SYN3: variants seen among roughly 807,000 people sequenced by gnomAD.
SYN3 encodes the protein synapsin III, also known as synapsin-3.
In SYN3, 35 loss-of-function variants were observed where a neutral mutation model predicts 65.8. That is an observed-to-expected ratio of 0.53 (90% CI 0.41 to 0.70). The LOEUF (loss-of-function observed/expected upper bound fraction) is 0.70. Ranked by LOEUF, SYN3 falls within the 30% of genes least tolerant of loss-of-function variation. The pLI, the probability that SYN3 is intolerant of heterozygous loss-of-function variation, is 0.00. For missense variants in SYN3, 680 were observed against 749.0 expected, an observed-to-expected ratio of 0.91 and a Z score of 1.08; for synonymous variants, 270 against 292.9, an observed-to-expected ratio of 0.92 and a Z score of 0.80.
chr22:32,993,328 T>C (rs980032519), intron 2 of SYN3, among the ~76,000 whole-genome samples: 2 of 152,168 alleles, frequency 1.3e-5, no homozygotes, highest in African/African-American at 4.8e-5. Context: ...AGCTTCCCCA[T>C]ACATTTTCAA....
intron 4 of SYN3, among the ~76,000 whole-genome samples, chr22:32,927,483 C>A (rs2050506750): frequency 1.3e-5 from 2 of 151,954 alleles, no homozygotes; most frequent in Non-Finnish European, 1.5e-5. Context: ...CTCCTGAGTG[C>A]AGGCAATCCA....
chr22:32,804,215 G>C (rs1372110753), intron 6 of SYN3, among the ~76,000 whole-genome samples: 1 of 152,220 alleles, frequency 6.6e-6, no homozygotes, highest in African/African-American at 2.4e-5. Context: ...CCTGGGTTTG[G>C]TGAGCTGCAC....
At chr22:32,719,177 T>C (rs1270590516) in intron 6 of SYN3, among the ~76,000 whole-genome samples, 1 of 152,176 alleles carries the variant, frequency 6.6e-6, no homozygotes, top group Non-Finnish European at 1.5e-5. Flanking sequence ...ATACTAAAAT[T>C]ACTCAATATG....
At chr22:32,997,754 C>T (rs1258718820) in intron 2 of SYN3, among the ~76,000 whole-genome samples, 2 of 152,170 alleles carry the variant, frequency 1.3e-5, no homozygotes, top group Middle Eastern at 3.4e-3. Flanking sequence ...CGGCCGGGCG[C>T]GGTGGCTCAC....
intron 6 of SYN3, among the ~76,000 whole-genome samples, chr22:32,697,672 C>T (rs545802470): frequency 2.6e-5 from 4 of 152,280 alleles, no homozygotes; most frequent in African/African-American, 9.6e-5. Context: ...CACTGAGGGT[C>T]AGCTGGGGAC....
chr22:32,638,043 C>T lies in SYN3; in HGVS notation c.712-41307G>A, dbSNP rs1005697846. On this transcript the variant is annotated intron_variant, in intron 6 of 13. Coordinates refer to ENST00000358763, the MANE Select transcript of SYN3 (RefSeq NM_003490.4). Reference sequence around the variant, plus strand: ...GTCCGTGAGTACTTCATGTTAGGTCCCATTCATAAGTGAGAACATGCATTG... The same window carrying T: ...GTCCGTGAGTACTTCATGTTAGGTCTCATTCATAAGTGAGAACATGCATTG... Among the ~76,000 whole-genome samples the T allele has an allele frequency of 8.5e-5, 13 of 152,160 alleles. 1 individual carries two copies. The highest frequency in any genetic ancestry group is 1.2e-4 in the Non-Finnish European group (8 of 68,042).
chr22:32,869,201 G>T (rs912966800), intron 4 of SYN3, 76 bp from the exon 5 acceptor site: 1 of 1,532,928 alleles, frequency 6.5e-7, no homozygotes, highest in African/African-American at 1.4e-5. Context: ...AGCTTGCTGG[G>T]GATGATAGCA....
chr22:32,671,617 TCA>T (rs2060367550), intron 6 of SYN3, among the ~76,000 whole-genome samples: 1 of 145,628 alleles, frequency 6.9e-6, no homozygotes, highest in Admixed American at 6.9e-5. Context: ...ACACACGCTC[TCA>T]CACAGGTATA....
chr22:32,925,783 A>G (rs921901505), intron 4 of SYN3, among the ~76,000 whole-genome samples: 2 of 151,926 alleles, frequency 1.3e-5, no homozygotes, highest in African/African-American at 4.8e-5. Context: ...CGTCTGGGAC[A>G]CTGCTTGGGT....
chr22:33,022,168 A>AT (rs931879989), intron 1 of SYN3, among the ~76,000 whole-genome samples: 6 of 152,114 alleles, frequency 3.9e-5, no homozygotes, highest in Non-Finnish European at 8.8e-5. Flanking sequence ...GGCTAAAACA[A>AT]TTTTTTTCCT....
At position 32,948,876 on chromosome 22, in the gene SYN3, TA is replaced by T. The variant is rs200190615; in HGVS notation, c.370-17396del. Among the ~76,000 whole-genome samples the T allele has an allele frequency of 4.5e-3, 604 of 135,030 alleles. 4 individuals are homozygous for T. The highest frequency in any genetic ancestry group is 3.5e-3 in the African/African-American group (119 of 34,246). 88.6% of individuals were successfully genotyped at this position (135,030 alleles called of 152,430 possible). On this transcript the variant is annotated intron_variant, in intron 3 of 13. Coordinates refer to ENST00000358763, the MANE Select transcript of SYN3 (RefSeq NM_003490.4). The stretch of plus-strand genomic sequence containing the variant: ...CATTAAATGTTTTTCATTAAATGTC[TA>T]AAAAAAAAAAAAAGAAAGAAAGAAA...
intron 2 of SYN3, among the ~76,000 whole-genome samples, chr22:32,981,878 C>T (rs1044140035): frequency 6.6e-6 from 1 of 151,968 alleles, no homozygotes; most frequent in African/African-American, 2.4e-5. Context: ...TATGTTAATC[C>T]TGTCTCCCCT....
At chr22:32,847,767 G>A (rs757526139) in intron 6 of SYN3, among the ~76,000 whole-genome samples, 13 of 152,072 alleles carry the variant, frequency 8.5e-5, no homozygotes, top group Admixed American at 5.2e-4. Flanking sequence ...ACTCCTTTTT[G>A]GGCTAAGTGC....
intron 6 of SYN3, among the ~76,000 whole-genome samples, chr22:32,807,394 A>AATATATATTATATAAT: frequency 9.9e-6 from 1 of 100,598 alleles, no homozygotes; most frequent in African/African-American, 3.9e-5. Flanking sequence ...TATTATATAT[A>AATATATATTATATAAT]ATATATATAT....
intron 13 of SYN3, chr22:32,514,295 TTGA>T (rs2057735017): frequency 6.4e-6 from 1 of 155,412 alleles, no homozygotes; most frequent in African/African-American, 2.4e-5. Context: ...TCTCTGCTCT[TTGA>T]TGTGTGTAGC....
chr22:33,024,199 C>A (rs1332490315), intron 1 of SYN3, among the ~76,000 whole-genome samples: 1 of 152,212 alleles, frequency 6.6e-6, no homozygotes, highest in African/African-American at 2.4e-5. Flanking sequence ...CCCACCAGCA[C>A]CCTCCAGACT....
intron 7 of SYN3, among the ~76,000 whole-genome samples, chr22:32,572,401 TCCC>T (rs1324230729): frequency 0.039 from 481 of 12,312 alleles, 11 homozygotes; most frequent in African/African-American, 0.13. Context: ...CTTCCCTCCC[TCCC>T]TCCTGTCTTT....
chr22:32,639,232 C>T lies in SYN3; in HGVS notation c.712-42496G>A, dbSNP rs377344881. On this transcript the variant is annotated intron_variant, in intron 6 of 13. Coordinates refer to ENST00000358763, the MANE Select transcript of SYN3 (RefSeq NM_003490.4). ...CCTCCCAAAGTGCTGGGATTACAGGCATGAGCCACCACGCCTGGCCCATTT... is the reference window on the plus strand; with the variant it reads ...CCTCCCAAAGTGCTGGGATTACAGGTATGAGCCACCACGCCTGGCCCATTT... Among the ~76,000 whole-genome samples the T allele has an allele frequency of 6.6e-5, 10 of 152,288 alleles. No individual in the cohort carries two copies. The East Asian group carries it at 1.5e-3, about 24-fold the overall frequency.
chr22:32,959,630 G>A (rs571083405), intron 3 of SYN3, among the ~76,000 whole-genome samples: 8 of 151,628 alleles, frequency 5.3e-5, no homozygotes, highest in South Asian at 2.1e-4. Context: ...CTTGAGACTC[G>A]GTTGCTCAGG....
Sources: allele counts gnomAD v4.1 joint callset (sites outside exome capture counted in the v4.1 genomes callset), GRCh38; gene constraint gnomAD v4.1.1; transcripts MANE v1.5; gene names NCBI Gene and HGNC (gene_info 2026-07-23, HGNC 2026-07-21).